The following NCKAP5 variants were observed in gnomAD, a reference collection of about 807,000 sequenced individuals.
The protein encoded by NCKAP5 is NCK associated protein 5.
A neutral mutation model predicts 167.0 loss-of-function variants in NCKAP5; 92 were observed. The observed-to-expected ratio is 0.55, with a 90% CI of 0.47 to 0.66. The LOEUF is 0.66. Ranked by LOEUF, NCKAP5 falls within the 30% of genes least tolerant of loss-of-function variation. The probability of loss-of-function intolerance (pLI) is 0.00; values close to 1 mark genes in which losing one functional copy is unlikely to be tolerated. For synonymous variants in NCKAP5, 891 were observed against 877.4 expected (o/e 1.02, Z -0.27); for missense variants, 2,378 against 2,315.0 (o/e 1.03, Z -0.56).
intron 3 of NCKAP5, among the ~76,000 whole-genome samples, chr2:133,384,482 G>T (rs1357343623): frequency 6.6e-6 from 1 of 152,192 alleles, no homozygotes; most frequent in African/African-American, 2.4e-5. Context: ...TTTGAAGTCA[G>T]GTAGCGTGAT....
intron 3 of NCKAP5, among the ~76,000 whole-genome samples, chr2:133,451,223 C>T (rs1288490087): frequency 6.6e-6 from 1 of 152,130 alleles, no homozygotes; most frequent in Non-Finnish European, 1.5e-5. Context: ...AGAAGCCATT[C>T]TTTACTCTGA....
chr2:133,003,451 G>A lies in NCKAP5; in HGVS notation c.342-9212C>T, dbSNP rs150028678. 6.7e-4 allele frequency among the ~76,000 whole-genome samples: 102 copies of A among 152,216 alleles called. 2 individuals carry two copies. The highest frequency in any genetic ancestry group is 2.1e-3 in the African/African-American group (88 of 41,526). On this transcript the variant is annotated intron_variant, in intron 6 of 19. Transcript: ENST00000409261. ...TTAGAACTGGGTTCTGCCCAACTGCGCCACTTGTTTTCTTAGAAATGAGAA... is the reference window on the plus strand; with the variant it reads ...TTAGAACTGGGTTCTGCCCAACTGCACCACTTGTTTTCTTAGAAATGAGAA...
At chr2:132,714,187 T>C (rs562441563) in intron 19 of NCKAP5, among the ~76,000 whole-genome samples, 1 of 152,330 alleles carries the variant, frequency 6.6e-6, no homozygotes, top group South Asian at 2.1e-4. Context: ...GAAGATAATA[T>C]GATATTTCCC....
At position 132,782,795 on chromosome 2, in the gene NCKAP5, C is replaced by T. The variant is rs1004766407; in HGVS notation, c.4016G>A (p.Gly1339Glu). The T allele has an allele frequency of 6.2e-7, 1 of 1,613,894 alleles. No homozygotes were observed. The highest frequency in any genetic ancestry group is 1.3e-5 in the African/African-American group (1 of 75,048). ...GGAGGAGGGGTGCCCCGAGGGCCTC[C>T]CAACACTGGGGAGACTCTCCAACAT... ...APMLESLPSV[G>E]RPSGHPSSGK... Residue 1339 changes from glycine to glutamate, a missense_variant, in exon 14 of 20, where the codon GGG becomes GAG. Physicochemically the swap from Gly to Glu is moderately conservative, Grantham distance 98 (BLOSUM62 -2). Coordinates refer to ENST00000409261, the MANE Select transcript of NCKAP5 (RefSeq NM_207363.3).
chr2:133,151,191 T>C (rs928478090), intron 5 of NCKAP5, among the ~76,000 whole-genome samples: 5 of 152,196 alleles, frequency 3.3e-5, no homozygotes, highest in African/African-American at 7.2e-5. Context: ...TAAAAAGTTT[T>C]TTTAAAAAAA....
the NCKAP5 span, among the ~76,000 whole-genome samples, chr2:133,626,856 A>C: frequency 1.3e-5 from 2 of 151,990 alleles, no homozygotes; most frequent in Non-Finnish European, 2.9e-5. Context: ...AATTTTACAA[A>C]GTGTTTGAAT....
chr2:133,357,501 A>G (rs1004742844), intron 3 of NCKAP5, among the ~76,000 whole-genome samples: 5 of 152,232 alleles, frequency 3.3e-5, no homozygotes, highest in Non-Finnish European at 5.9e-5. Context: ...AATTTAATTA[A>G]CATTTTAATG....
chr2:133,575,150 C>A, the NCKAP5 span, among the ~76,000 whole-genome samples: 1 of 152,214 alleles, frequency 6.6e-6, no homozygotes, highest in Non-Finnish European at 1.5e-5. Flanking sequence ...TATTAGAATT[C>A]TCTGCACTTC....
At chr2:133,547,234 C>T (rs1020659156) in intron 2 of NCKAP5, among the ~76,000 whole-genome samples, 7 of 152,138 alleles carry the variant, frequency 4.6e-5, no homozygotes, top group Admixed American at 1.3e-4. Flanking sequence ...CCTACGCCCA[C>T]GGAGTCTCGC....
At chr2:132,874,356 C>T (rs1383045283) in intron 9 of NCKAP5, among the ~76,000 whole-genome samples, 1 of 152,084 alleles carries the variant, frequency 6.6e-6, no homozygotes, top group Non-Finnish European at 1.5e-5. Context: ...GATCCACCCG[C>T]CTTGGCCTCC....
At chr2:132,777,965 C>T (rs1019598871) in intron 15 of NCKAP5, among the ~76,000 whole-genome samples, 8 of 151,882 alleles carry the variant, frequency 5.3e-5, no homozygotes, top group Admixed American at 5.2e-4. Flanking sequence ...TATATGATCT[C>T]ATTAATTTTG....
chr2:133,334,557 C>G (rs2150739246), intron 3 of NCKAP5, among the ~76,000 whole-genome samples: 1 of 152,274 alleles, frequency 6.6e-6, no homozygotes, highest in Non-Finnish European at 1.5e-5. Context: ...CCACGACTGT[C>G]CAGCTCCCAA....
At chr2:133,246,948 C>T (rs11900115) in intron 4 of NCKAP5, among the ~76,000 whole-genome samples, 8,433 of 152,220 alleles carry the variant, frequency 0.055, 704 homozygotes, top group African/African-American at 0.19. Flanking sequence ...CCAGAAGTTA[C>T]TCAATCCAGC....
chr2:133,571,664 T>C (rs1320739008), upstream of NCKAP5, among the ~76,000 whole-genome samples: 2 of 152,162 alleles, frequency 1.3e-5, no homozygotes, highest in Non-Finnish European at 2.9e-5. Flanking sequence ...AAGTCAGAGA[T>C]GGTAATCAGA....
intron 6 of NCKAP5, among the ~76,000 whole-genome samples, chr2:132,999,720 G>A (rs1201874430): frequency 6.6e-6 from 1 of 152,098 alleles, no homozygotes; most frequent in East Asian, 1.9e-4. Flanking sequence ...AAATGACTGT[G>A]GGCTTTTTCA....
intron 6 of NCKAP5, among the ~76,000 whole-genome samples, chr2:133,098,516 A>G (rs1249288469): frequency 3.3e-5 from 5 of 152,210 alleles, no homozygotes; most frequent in African/African-American, 1.2e-4. Flanking sequence ...AAAACTTCCC[A>G]ATTAAACTTA....
At chr2:133,474,987 T>C (rs1679755590) in intron 3 of NCKAP5, among the ~76,000 whole-genome samples, 1 of 152,124 alleles carries the variant, frequency 6.6e-6, no homozygotes, top group Non-Finnish European at 1.5e-5. Context: ...ATTTTTGTAT[T>C]TTTGGTAGAG....
the NCKAP5 span, among the ~76,000 whole-genome samples, chr2:133,584,934 AAAAG>A: frequency 9.5e-6 from 1 of 105,130 alleles, no homozygotes; most frequent in African/African-American, 3.3e-5. Flanking sequence ...CTTGCCAAAA[AAAAG>A]AAAGAAGGAA....
chr2:133,109,119 C>T (rs2081822158), intron 6 of NCKAP5, among the ~76,000 whole-genome samples: 1 of 152,144 alleles, frequency 6.6e-6, no homozygotes, highest in African/African-American at 2.4e-5. Context: ...TAAAAACTTC[C>T]CAGCCTGTAC....
Sources: gnomAD v4.1 joint callset for allele counts (sites outside exome capture counted in the v4.1 genomes callset) on GRCh38, gnomAD v4.1.1 for gene constraint, MANE v1.5 for transcripts, NCBI Gene and HGNC (gene_info 2026-07-23, HGNC 2026-07-21) for gene names.